AQP9: variants seen among roughly 807,000 people sequenced by gnomAD.
AQP9 encodes the protein aquaporin 9.
Under a neutral mutation model 23.8 loss-of-function variants are expected in AQP9, and 19 were observed. The ratio of observed to expected loss-of-function variants is 0.80; its 90% confidence interval spans 0.56 to 1.17. The LOEUF (loss-of-function observed/expected upper bound fraction) is 1.17, where lower values mean the gene tolerates loss of function less well. Among genes scored for constraint, AQP9 ranks in the 50% most tolerant of loss-of-function variants. The probability of loss-of-function intolerance (pLI) is 0.00; values close to 1 mark genes in which losing one functional copy is unlikely to be tolerated. For synonymous variants in AQP9, 153 were observed against 131.5 expected, an observed-to-expected ratio of 1.16 and a Z score of -1.12; for missense variants, 413 against 362.0, an observed-to-expected ratio of 1.14 and a Z score of -1.14.
intron 1 of AQP9, among the ~76,000 whole-genome samples, chr15:58,157,021 T>C (rs1198451509): frequency 6.6e-6 from 1 of 152,206 alleles, no homozygotes; most frequent in African/African-American, 2.4e-5. Flanking sequence ...TATATACGTG[T>C]GTACAAACAC....
In AQP9 at chr15:58,179,368, A is replaced by G. The variant is rs1044305524; in HGVS notation, c.713+23A>G. On this transcript the variant is annotated intron_variant, in intron 5 of 5. Coordinates refer to ENST00000219919, the MANE Select transcript of AQP9 (RefSeq NM_020980.5). ...CAGGTAAGTAACAGTGGTGGGGAAG[A>G]GAGAGACAGAGTCATGCTGCGCCTC... 3.8e-6 allele frequency: 6 copies of G among 1,588,316 alleles called. No individual in the cohort carries two copies. In the Middle Eastern group the frequency reaches 5.7e-4, roughly 151 times the overall value.
chr15:58,140,259 T>C (rs1051982352), intron 1 of AQP9, among the ~76,000 whole-genome samples: 4 of 151,794 alleles, frequency 2.6e-5, no homozygotes, highest in Non-Finnish European at 5.9e-5. Flanking sequence ...AAGAAGAACC[T>C]GTTTCATAAT....
intron 1 of AQP9, among the ~76,000 whole-genome samples, chr15:58,140,894 G>A (rs1260327028): frequency 6.6e-6 from 1 of 152,086 alleles, no homozygotes; most frequent in East Asian, 1.9e-4. Context: ...CAACACATGG[G>A]CCACGGACTG....
rs771256450 is a variant in AQP9 at position 58,173,113 on chromosome 15, G to T, written c.284G>T (p.Gly95Val). 2 of 1,613,980 alleles carry T rather than the reference G, an allele frequency of 1.2e-6. No individual in the cohort carries two copies. The highest frequency in any genetic ancestry group is 2.2e-5 in the South Asian group (2 of 91,056). ...GTGTCTTTAGCAATGTGTCTCTTTG[G>T]ACGGATGAAATGGTTCAAATTGCCA... Reference protein sequence around the residue: ...PAVSLAMCLFGRMKWFKLPFY... With the variant: ...PAVSLAMCLFVRMKWFKLPFY... The change falls in exon 3 of 6, where the codon GGA becomes GTA. Residue 95 changes from glycine to valine, a missense_variant. Coordinates refer to ENST00000219919, the MANE Select transcript of AQP9 (RefSeq NM_020980.5).
Position 58,185,275 on chromosome 15 carries a change from C to A in AQP9, c.*1140C>A, listed in dbSNP as rs1898999098. ...AAAGTTGAATGTTATCTAATGCATT[C>A]CTCTACCTTTCAGAAGATCAGTAGC... On this transcript the variant is annotated 3_prime_UTR_variant, in exon 6 of 6. Coordinates refer to ENST00000219919, the MANE Select transcript of AQP9 (RefSeq NM_020980.5). The A allele has an allele frequency of 6.6e-6, 1 of 152,646 alleles. No individual in the cohort carries two copies. Among genetic ancestry groups the A allele is most frequent in the Admixed American group, 6.5e-5 (1 of 15,280 alleles). The allele number at this position is 152,646 out of a possible 1,614,324, so 9.5% of individuals were successfully genotyped here.
intron 1 of AQP9, among the ~76,000 whole-genome samples, chr15:58,163,671 C>T (rs1305609704): frequency 1.3e-5 from 2 of 151,996 alleles, no homozygotes; most frequent in African/African-American, 4.8e-5. Context: ...GATATGATAA[C>T]GGGCTGTTTT....
At chr15:58,168,168 A>G (rs964217822) in intron 2 of AQP9, among the ~76,000 whole-genome samples, 6 of 151,872 alleles carry the variant, frequency 4.0e-5, no homozygotes, top group Admixed American at 3.9e-4. Context: ...AGCTAGGACT[A>G]CAGGTACGAG....
intron 1 of AQP9, chr15:58,155,679 T>C (rs1328371427): frequency 6.6e-6 from 1 of 152,168 alleles, no homozygotes; most frequent in African/African-American, 2.4e-5. Context: ...CTCTTCCTAA[T>C]AATTCTAGTA....
At chr15:58,180,038 A>G (rs764902167) in intron 5 of AQP9, among the ~76,000 whole-genome samples, 73 of 152,182 alleles carry the variant, frequency 4.8e-4, no homozygotes, top group Non-Finnish European at 6.0e-4. Flanking sequence ...CAGAAATGGC[A>G]AGACTCCACA....
chr15:58,175,813 T>A (rs531494582), intron 4 of AQP9, among the ~76,000 whole-genome samples: 235 of 152,348 alleles, frequency 1.5e-3, no homozygotes, highest in African/African-American at 5.5e-3. Context: ...CCATTCAATG[T>A]ATGGATGAAA....
At chr15:58,168,851 G>A (rs1898562281) in intron 2 of AQP9, among the ~76,000 whole-genome samples, 2 of 152,264 alleles carry the variant, frequency 1.3e-5, no homozygotes, top group South Asian at 4.1e-4. Flanking sequence ...AGTTCACCAG[G>A]TAATGTAGGT....
At chr15:58,158,463 G>A (rs1898308712) in intron 1 of AQP9, among the ~76,000 whole-genome samples, 1 of 152,170 alleles carries the variant, frequency 6.6e-6, no homozygotes, top group Non-Finnish European at 1.5e-5. Context: ...CTCCCAGAAT[G>A]TTATAACTGT....
intron 1 of AQP9, chr15:58,164,176 T>C (rs1184894790): frequency 1.3e-5 from 2 of 152,064 alleles, no homozygotes; most frequent in African/African-American, 4.8e-5. Context: ...TTAATCATAG[T>C]GAAATTTGAC....
At chr15:58,179,555 GAGAA>G (rs1311254585) in intron 5 of AQP9, among the ~76,000 whole-genome samples, 9 of 151,828 alleles carry the variant, frequency 5.9e-5, no homozygotes, top group Non-Finnish European at 1.2e-4. Flanking sequence ...GAGAGAGACA[GAGAA>G]AGAGAGGCGG....
At chr15:58,142,003 G>A (rs1455422377) in intron 1 of AQP9, among the ~76,000 whole-genome samples, 1 of 152,156 alleles carries the variant, frequency 6.6e-6, no homozygotes, top group Non-Finnish European at 1.5e-5. Context: ...TGGCAGGAGA[G>A]CTCTGAGATA....
chr15:58,147,071 C>T (rs1048036889), intron 1 of AQP9, among the ~76,000 whole-genome samples: 4 of 152,116 alleles, frequency 2.6e-5, no homozygotes, highest in Admixed American at 6.5e-5. Flanking sequence ...GAGAAAAGTC[C>T]GTTCTGGATC....
rs1297177489 is a variant in AQP9, at chr15:58,174,991, A to G, written c.450A>G (p.Thr150=). The change falls in exon 4 of 6, where the codon ACA becomes ACG. Residue 150 remains threonine, a synonymous_variant. Transcript: ENST00000219919. Reference sequence around the variant, plus strand: ...ATGCAACAGCACACATTTTTGCAACATACCCAGCTCCGTATCTATCTCTGG... The same window carrying G: ...ATGCAACAGCACACATTTTTGCAACGTACCCAGCTCCGTATCTATCTCTGG... ...GENATAHIFA[T]YPAPYLSLAN... The G allele has an allele frequency of 4.3e-6, 7 of 1,614,110 alleles. No homozygotes were observed. The highest frequency in any genetic ancestry group is 1.3e-5 in the African/African-American group (1 of 74,950).
chr15:58,171,473 C>T (rs1898620045), intron 2 of AQP9, among the ~76,000 whole-genome samples: 1 of 152,154 alleles, frequency 6.6e-6, no homozygotes, highest in Admixed American at 6.5e-5. Flanking sequence ...AGAGAAACTT[C>T]CCACTGCCCT....
intron 2 of AQP9, among the ~76,000 whole-genome samples, chr15:58,170,038 C>A (rs1363555926): frequency 6.6e-6 from 1 of 152,226 alleles, no homozygotes; most frequent in African/African-American, 2.4e-5. Context: ...TGCCCGCGGG[C>A]CCTTTATGTG....
Sources: allele counts gnomAD v4.1 joint callset (sites outside exome capture counted in the v4.1 genomes callset), GRCh38; gene constraint gnomAD v4.1.1; transcripts MANE v1.5; gene names NCBI Gene and HGNC (gene_info 2026-07-23, HGNC 2026-07-21).